PIK3R5: variants seen among roughly 807,000 people sequenced by gnomAD.
PIK3R5 encodes phosphoinositide 3-kinase regulatory subunit 5.
Under a neutral mutation model 94.9 loss-of-function variants are expected in PIK3R5, and 32 were observed. The observed-to-expected ratio is 0.34, with a 90% confidence interval of 0.25 to 0.45. The LOEUF is 0.45. PIK3R5 is among the 20% of genes least tolerant of loss of function. The pLI is 1.00. For synonymous variants in PIK3R5, 443 were observed against 479.4 expected (o/e 0.92, Z 0.99); for missense variants, 853 against 1,144.6 (o/e 0.75, Z 3.68).
intron 1 of PIK3R5, among the ~76,000 whole-genome samples, chr17:8,917,390 C>T (rs906216007): frequency 6.6e-6 from 1 of 152,178 alleles, no homozygotes; most frequent in Admixed American, 6.5e-5. Context: ...ATTAACCTAA[C>T]TGTATAATCA....
chr17:8,902,088 T>G (rs927790361), intron 5 of PIK3R5, among the ~76,000 whole-genome samples: 2 of 151,978 alleles, frequency 1.3e-5, no homozygotes, highest in African/African-American at 4.8e-5. Context: ...AAGAAGAGTC[T>G]TGCTCTTTAG....
intron 1 of PIK3R5, among the ~76,000 whole-genome samples, chr17:8,940,543 T>G (rs2091159098): frequency 6.6e-6 from 1 of 151,862 alleles, no homozygotes; most frequent in Non-Finnish European, 1.5e-5. Context: ...CTAAGGTTTT[T>G]TTGTTTGTTT....
intron 5 of PIK3R5, among the ~76,000 whole-genome samples, chr17:8,900,829 A>C (rs2090264957): frequency 6.6e-6 from 1 of 151,982 alleles, no homozygotes; most frequent in African/African-American, 2.4e-5. Context: ...AAAATATCTC[A>C]AGGCATAGCG....
chr17:8,963,890 TG>T (rs2091610887), intron 1 of PIK3R5, among the ~76,000 whole-genome samples: 1 of 152,100 alleles, frequency 6.6e-6, no homozygotes, highest in Non-Finnish European at 1.5e-5. Context: ...AGTCCTGGTT[TG>T]TGAGGCTTCA....
chr17:8,923,464 TAC>T (rs1281397051), intron 1 of PIK3R5, among the ~76,000 whole-genome samples: 1 of 152,222 alleles, frequency 6.6e-6, no homozygotes, highest in African/African-American at 2.4e-5. Context: ...GAGACTGCGG[TAC>T]AGAGTATTCT....
At chr17:8,906,909 T>C (rs1340546655) in intron 3 of PIK3R5, among the ~76,000 whole-genome samples, 1 of 152,252 alleles carries the variant, frequency 6.6e-6, no homozygotes, top group Non-Finnish European at 1.5e-5. Flanking sequence ...CCCTAAGCCA[T>C]TTAATAAATC....
In PIK3R5 at chr17:8,911,606, G is replaced by C. The variant is rs1225769396; in HGVS notation, c.-13-99C>G. ...AGGTGCTCACAGTGCAGCGCGATCA[G>C]CCCAGCCCAGCTATAGCTCAGGTGC... is the stretch of plus-strand genomic sequence containing the variant. On this transcript the variant is annotated intron_variant, in intron 1 of 18. Coordinates refer to ENST00000447110, the MANE Select transcript of PIK3R5 (RefSeq NM_001142633.3). The surrounding 1 kb of genome is among the most constrained non-coding windows in gnomAD (Gnocchi z 5.3). 1.4e-6 allele frequency: 1 copy of C among 727,062 alleles called. No individual in the cohort carries two copies. Among genetic ancestry groups the C allele is most frequent in the African/African-American group, 1.7e-5 (1 of 57,148 alleles). 45.0% of individuals were successfully genotyped at this position (727,062 alleles called of 1,614,324 possible).
intron 1 of PIK3R5, among the ~76,000 whole-genome samples, chr17:8,952,321 T>G (rs781738667): frequency 1.3e-5 from 2 of 152,252 alleles, no homozygotes; most frequent in Non-Finnish European, 2.9e-5. Context: ...ATGTTTTTGT[T>G]TTTCTGTTAC....
intron 1 of PIK3R5, among the ~76,000 whole-genome samples, chr17:8,946,440 C>T (rs557716120): frequency 9.9e-5 from 15 of 151,888 alleles, no homozygotes; most frequent in Admixed American, 7.2e-4. Flanking sequence ...GAGATGGCGC[C>T]GTCTGCCAGG....
In PIK3R5 at chr17:8,888,223, A is replaced by G. The variant is rs150791365; in HGVS notation, c.1564T>C (p.Phe522Leu). ...PKASTLRVVV[F>L]GSDRISGKVA... The stretch of plus-strand genomic sequence containing the variant: ...TTCCCTGAAATCCGATCGGAGCCAA[A>G]GACCACAACACGTAGCGTGGAAGCC... The change falls in exon 10 of 19, where the codon TTT (phenylalanine) becomes CTT (leucine). Residue 522 changes from phenylalanine to leucine, a missense_variant. Phe to Leu is a conservative substitution (Grantham distance 22). Around this residue, in one of 6 missense-constraint regions of PIK3R5, gnomAD observed 319 missense variants for 339.8 expected, o/e 0.94. Coordinates refer to ENST00000447110, the MANE Select transcript of PIK3R5 (RefSeq NM_001142633.3). The surrounding 1 kb of genome is among the most constrained non-coding windows in gnomAD (Gnocchi z 7.8). 5.0e-4 allele frequency: 807 copies of G among 1,613,484 alleles called. 2 individuals are homozygous for G. The African/African-American group carries it at 9.6e-3, about 19-fold the overall frequency.
Position 8,888,285 on chromosome 17 carries a change from C to A in PIK3R5, c.1502G>T (p.Arg501Leu). The change falls in exon 10 of 19, where the codon CGC becomes CTC. Residue 501 changes from arginine (R) to leucine (L), a missense_variant. Transcript: ENST00000447110. The surrounding 1 kb of genome is among the most constrained non-coding windows in gnomAD (Gnocchi z 7.8). ...WLLAPASRPQ[R>L]RRPFLSGDED... is the part of the protein sequence containing the mutation. ...ATCTCCACTCAGGAAGGGGCGGCGGCGCTGGGGGCGTGAAGCAGGGGCCAG... is the reference window on the plus strand; with the variant it reads ...ATCTCCACTCAGGAAGGGGCGGCGGAGCTGGGGGCGTGAAGCAGGGGCCAG... The A allele has an allele frequency of 6.2e-7, 1 of 1,613,192 alleles. No homozygotes were observed. The highest frequency in any genetic ancestry group is 8.5e-7 in the Non-Finnish European group (1 of 1,179,848).
At chr17:8,910,647 G>A (rs1030533766) in intron 2 of PIK3R5, among the ~76,000 whole-genome samples, 3 of 152,182 alleles carry the variant, frequency 2.0e-5, no homozygotes, top group Non-Finnish European at 4.4e-5. Flanking sequence ...CAAAGGCCAA[G>A]GACAGCCTCT....
intron 1 of PIK3R5, among the ~76,000 whole-genome samples, chr17:8,939,415 A>C (rs773966311): frequency 2.6e-5 from 4 of 152,256 alleles, no homozygotes; most frequent in Non-Finnish European, 5.9e-5. Flanking sequence ...AATGAGTTAC[A>C]CTGAAATACA....
intron 1 of PIK3R5, among the ~76,000 whole-genome samples, 198 bp downstream of exon 1, chr17:8,965,398 G>A (rs745831191): frequency 1.4e-4 from 21 of 152,216 alleles, no homozygotes; most frequent in Non-Finnish European, 1.5e-4. Flanking sequence ...GGGTTATCTG[G>A]AGCGCAGGTT....
chr17:8,894,316 C>G (rs1281156587), intron 5 of PIK3R5, among the ~76,000 whole-genome samples: 1 of 152,226 alleles, frequency 6.6e-6, no homozygotes, highest in Non-Finnish European at 1.5e-5. Flanking sequence ...GCCGCTGCCC[C>G]CTCTCCCGGT....
At chr17:8,886,758 G>A (rs1158781875) in intron 12 of PIK3R5, among the ~76,000 whole-genome samples, 153 bp from the exon 13 acceptor site, 3 of 152,162 alleles carry the variant, frequency 2.0e-5, no homozygotes, top group Non-Finnish European at 4.4e-5. Flanking sequence ...GGGAGGGCCG[G>A]TGCCCAGCCT....
At chr17:8,905,469 A>G (rs1040552507) in intron 4 of PIK3R5, among the ~76,000 whole-genome samples, 200 bp downstream of exon 4, 1 of 152,150 alleles carries the variant, frequency 6.6e-6, no homozygotes, top group Non-Finnish European at 1.5e-5. Context: ...GCCAGGCACC[A>G]TGGCGGCCAC....
chr17:8,940,442 C>T (rs1781403352), intron 1 of PIK3R5, among the ~76,000 whole-genome samples: 1 of 152,232 alleles, frequency 6.6e-6, no homozygotes, highest in South Asian at 2.1e-4. Flanking sequence ...CCCAGGAAAA[C>T]TCACGAAGGG....
intron 1 of PIK3R5, among the ~76,000 whole-genome samples, chr17:8,950,781 G>A (rs2091362456): frequency 6.6e-6 from 1 of 152,112 alleles, no homozygotes; most frequent in South Asian, 2.1e-4. Flanking sequence ...TGTCTTGTTG[G>A]TATAATGAGC....
Sources: gnomAD v4.1 joint callset for allele counts (sites outside exome capture counted in the v4.1 genomes callset) on GRCh38, gnomAD v4.1.1 for gene constraint, gnomAD v4.1.1 regional missense constraint, Gnocchi (gnomAD v3.1) non-coding constraint, MANE v1.5 for transcripts, NCBI Gene and HGNC (gene_info 2026-07-23, HGNC 2026-07-21) for gene names.